SCAP: variants seen among roughly 807,000 people sequenced by gnomAD.
The protein encoded by SCAP is sterol regulatory element-binding protein cleavage-activating protein.
SCAP carries 65 observed loss-of-function variants against 123.6 expected under a neutral mutation model. That is an observed-to-expected ratio of 0.53 (90% CI 0.43 to 0.65). The LOEUF (loss-of-function observed/expected upper bound fraction) is 0.65. Among genes scored for constraint, SCAP ranks in the 30% least tolerant of loss-of-function variants. The pLI is 0.00. For synonymous variants in SCAP, 740 were observed against 726.3 expected (o/e 1.02, Z -0.30); for missense variants, 1,398 against 1,712.5 (o/e 0.82, Z 3.24).
intron 3 of SCAP, chr3:47,429,006 T>TG (rs1156457095): frequency 8.4e-6 from 2 of 237,074 alleles, no homozygotes; most frequent in Non-Finnish European, 1.7e-5. Flanking sequence ...AATTTGCACA[T>TG]GGGACCTGTG....
rs1376579642 is a variant in SCAP, at chr3:47,426,119, T to C, written c.788A>G (p.Asn263Ser). 5.6e-6 allele frequency: 9 copies of C among 1,613,906 alleles called. No individual in the cohort carries two copies. The highest frequency in any genetic ancestry group is 7.6e-6 in the Non-Finnish European group (9 of 1,179,988). ...CAGGCTCTCCGCCCGAAGGCTGCAGTTGGGGCTGGGGTGCAGAAGCATCAG... is the reference window on the plus strand; with the variant it reads ...CAGGCTCTCCGCCCGAAGGCTGCAGCTGGGGCTGGGGTGCAGAAGCATCAG... ...ARLMLLHPSPNCSLRAESLVH... is the reference protein window; with the variant it reads ...ARLMLLHPSPSCSLRAESLVH... The change falls in exon 7 of 23, where the codon AAC (asparagine) becomes AGC (serine). Residue 263 changes from asparagine (N) to serine (S), a missense_variant. By Grantham distance (46) the Asn-to-Ser change is conservative (BLOSUM62 1). Coordinates refer to ENST00000265565, the MANE Select transcript of SCAP (RefSeq NM_012235.4).
chr3:47,417,774 A>G lies in SCAP; in HGVS notation c.2500T>C (p.Trp834Arg), dbSNP rs755816164. The change falls in exon 17 of 23, where the codon TGG (tryptophan) becomes CGG (arginine). Residue 834 changes from tryptophan to arginine, a missense_variant. Trp to Arg is a moderately radical substitution (Grantham distance 101). Transcript: ENST00000265565. ...TTCCCACCATCTGAAAGTCGTTCCC[A>G]GCTCTCCTGAGCCTCAAGCCCGCTG... ...VGSGLEAQES[W>R]ERLSDGGKAG... The G allele has an allele frequency of 1.2e-5, 19 of 1,579,732 alleles. No homozygotes were observed. Among genetic ancestry groups the G allele is most frequent in the Non-Finnish European group, 1.5e-5 (17 of 1,165,602 alleles).
Position 47,451,104 on chromosome 3 carries a change from C to T in SCAP, c.-98-8013G>A, listed in dbSNP as rs1435805835. On this transcript the variant is annotated intron_variant, in intron 1 of 22. Transcript: ENST00000265565. ...CTGGTTTCAAGCAATCCTCCTGCCT[C>T]AGCCTCCCAAAGTGTTGGGATTACA... Among the ~76,000 whole-genome samples, 5 of 123,092 alleles carry T rather than the reference C, an allele frequency of 4.1e-5. 2 individuals are homozygous for T. Among genetic ancestry groups the T allele is most frequent in the Non-Finnish European group, 8.9e-5 (5 of 56,028 alleles). The allele number at this position is 123,092 out of a possible 152,430, so 80.8% of individuals were successfully genotyped here. A position where few individuals can be genotyped will look rare whatever the true frequency, so the allele number is the denominator to read the frequency against.
chr3:47,449,473 A>C (rs1352083606), intron 1 of SCAP, among the ~76,000 whole-genome samples: 1 of 124,554 alleles, frequency 8.0e-6, no homozygotes, highest in Non-Finnish European at 1.8e-5. Flanking sequence ...TTTAAATAGA[A>C]GACTTCCTCT....
At chr3:47,466,527 T>C (rs1408113700) in intron 1 of SCAP, among the ~76,000 whole-genome samples, 7 of 152,118 alleles carry the variant, frequency 4.6e-5, no homozygotes, top group Non-Finnish European at 8.8e-5. Flanking sequence ...TTGACAAAGA[T>C]GCCATGACCA....
At chr3:47,472,682 C>T (rs967026662) in intron 1 of SCAP, among the ~76,000 whole-genome samples, 1 of 152,024 alleles carries the variant, frequency 6.6e-6, no homozygotes, top group Non-Finnish European at 1.5e-5. Flanking sequence ...TTGCTGTCAC[C>T]TTCTTGCTGA....
In SCAP at chr3:47,417,755, C is replaced by T; in HGVS notation, c.2519G>A (p.Gly840Asp). Residue 840 changes from glycine to aspartate, a missense_variant, in exon 17 of 23, where the codon GGT becomes GAT. By Grantham distance (94) the Gly-to-Asp change is moderately conservative. Around this residue, in one of 7 missense-constraint regions of SCAP, gnomAD observed 828 missense variants for 882.5 expected, o/e 0.94. Coordinates refer to ENST00000265565, the MANE Select transcript of SCAP (RefSeq NM_012235.4). ...AQESWERLSD[G>D]GKAGPEEPGD... The stretch of plus-strand genomic sequence containing the variant: ...AGGCTCCTCTGGACCAGCCTTCCCA[C>T]CATCTGAAAGTCGTTCCCAGCTCTC... The T allele has an allele frequency of 6.2e-7, 1 of 1,603,460 alleles. No individual in the cohort carries two copies. The highest frequency in any genetic ancestry group is 8.5e-7 in the Non-Finnish European group (1 of 1,176,868).
chr3:47,457,605 G>A (rs1326811809), intron 1 of SCAP, among the ~76,000 whole-genome samples: 1 of 152,170 alleles, frequency 6.6e-6, no homozygotes, highest in Non-Finnish European at 1.5e-5. Flanking sequence ...CCAATGCTAA[G>A]GGCAGAAAAT....
In SCAP at chr3:47,428,593, CAGG is replaced by C; in HGVS notation, c.327_329del (p.Leu110del). ...AAGGTGAACGAAATACATCTACTGC[CAGG>C]AGGTTCTTGTGCCAGGGAAACACTG... is the stretch of plus-strand genomic sequence containing the variant. On this transcript the variant is annotated inframe_deletion, in exon 4 of 23. Coordinates refer to ENST00000265565, the MANE Select transcript of SCAP (RefSeq NM_012235.4). 3 of 1,614,172 alleles carry C rather than the reference CAGG, an allele frequency of 1.9e-6. No individual in the cohort carries two copies. The highest frequency in any genetic ancestry group is 2.5e-6 in the Non-Finnish European group (3 of 1,180,024).
chr3:47,432,430 C>A (rs189383816), intron 3 of SCAP, among the ~76,000 whole-genome samples: 11 of 151,290 alleles, frequency 7.3e-5, no homozygotes, highest in Non-Finnish European at 1.3e-4. Flanking sequence ...TTGACATACA[C>A]TATATTTACT....
intron 6 of SCAP, 113 bp from the exon 7 acceptor site, chr3:47,426,282 A>G: frequency 1.9e-6 from 2 of 1,080,508 alleles, no homozygotes. Context: ...CTGTGTTGAA[A>G]GGGAACTTCT....
Position 47,442,907 on chromosome 3 carries a change from G to A in SCAP, c.87C>T (p.Ile29=). The A allele has an allele frequency of 6.2e-7, 1 of 1,614,182 alleles. No homozygotes were observed. The highest frequency in any genetic ancestry group is 1.1e-5 in the South Asian group (1 of 91,086). Residue 29 remains isoleucine, a synonymous_variant, in exon 2 of 23, where the codon ATC becomes ATT. Transcript: ENST00000265565. The stretch of plus-strand genomic sequence containing the variant: ...AGATGCAGAACCCTGTGAAGAGGAT[G>A]ATGGGGATGGGATAGGATGCACAGA... ...GLLCASYPIP[I]ILFTGFCILA...
Position 47,439,088 on chromosome 3 carries a change from C to T in SCAP, c.122+3784G>A, listed in dbSNP as rs889476297. On this transcript the variant is annotated intron_variant, in intron 2 of 22. Transcript: ENST00000265565. This position sits in a 1 kb window ranked among gnomAD's most constrained non-coding sequence, Gnocchi z 4.0. ...TGGGGTTATGTCCTGATAACGCTGTCGTAAATTGAAAATATCCTAAGTCAA... is the reference window on the plus strand; with the variant it reads ...TGGGGTTATGTCCTGATAACGCTGTTGTAAATTGAAAATATCCTAAGTCAA... 6.6e-6 allele frequency among the ~76,000 whole-genome samples: 1 copy of T among 152,016 alleles called. No homozygotes were observed. The highest frequency in any genetic ancestry group is 1.5e-5 in the Non-Finnish European group (1 of 68,018).
intron 6 of SCAP, 51 bp from the exon 7 acceptor site, chr3:47,426,220 G>T: frequency 1.3e-6 from 2 of 1,568,402 alleles, no homozygotes; most frequent in South Asian, 1.2e-5. Flanking sequence ...CTTGGTTCTG[G>T]GGACAAAGAC....
intron 1 of SCAP, among the ~76,000 whole-genome samples, chr3:47,465,513 A>AT (rs1707789700): frequency 6.6e-6 from 1 of 152,052 alleles, no homozygotes; most frequent in South Asian, 2.1e-4. Context: ...ATGCCTGTAA[A>AT]CCCAGCACTT....
chr3:47,415,658 G>A (rs1705540443), intron 18 of SCAP, among the ~76,000 whole-genome samples: 1 of 152,108 alleles, frequency 6.6e-6, no homozygotes, highest in African/African-American at 2.4e-5. Flanking sequence ...AAGAAACAAG[G>A]ATTTTCTTTG....
intron 2 of SCAP, among the ~76,000 whole-genome samples, chr3:47,441,938 C>T (rs1036925656): frequency 2.2e-5 from 3 of 134,420 alleles, no homozygotes; most frequent in Non-Finnish European, 4.6e-5. Context: ...GAACTCCTGG[C>T]CTCAAGTGAT....
chr3:47,446,816 T>G (rs926925044), intron 1 of SCAP, among the ~76,000 whole-genome samples: 5 of 151,576 alleles, frequency 3.3e-5, no homozygotes, highest in Non-Finnish European at 5.9e-5. Flanking sequence ...GGGTGGCACA[T>G]GCCTGTAGTC....
At chr3:47,466,043 G>A (rs1348080281) in intron 1 of SCAP, among the ~76,000 whole-genome samples, 1 of 148,344 alleles carries the variant, frequency 6.7e-6, no homozygotes, top group Non-Finnish European at 1.5e-5. Context: ...TGAGGCAGGA[G>A]AATCGCTTGA....
Sources: gnomAD v4.1 joint callset for allele counts (sites outside exome capture counted in the v4.1 genomes callset) on GRCh38, gnomAD v4.1.1 for gene constraint, gnomAD v4.1.1 regional missense constraint, Gnocchi (gnomAD v3.1) non-coding constraint, MANE v1.5 for transcripts, NCBI Gene and HGNC (gene_info 2026-07-23, HGNC 2026-07-21) for gene names.